The following DUOX2 variants were observed in gnomAD, a reference collection of about 807,000 sequenced individuals.
The protein encoded by DUOX2 is dual oxidase 2.
In DUOX2, 185 loss-of-function variants were observed where a neutral mutation model predicts 183.3. That is an observed-to-expected ratio of 1.01 (90% confidence interval 0.90 to 1.14). The LOEUF is 1.14. Among genes scored for constraint, DUOX2 ranks in the 50% most tolerant of loss-of-function variants. The pLI, the probability that DUOX2 is intolerant of heterozygous loss-of-function variation, is 0.00. For synonymous variants in DUOX2, 788 were observed against 812.4 expected (o/e 0.97, Z 0.51); for missense variants, 1,999 against 2,022.9 (o/e 0.99, Z 0.23).
chr15:45,102,297 C>A (rs1254015614), intron 20 of DUOX2, among the ~76,000 whole-genome samples: 2 of 152,198 alleles, frequency 1.3e-5, no homozygotes, highest in Non-Finnish European at 2.9e-5. Flanking sequence ...GGCCCTCTCT[C>A]GTGGCAGGCT....
chr15:45,112,061 G>T, intron 4 of DUOX2, 106 bp from the exon 5 acceptor site: 2 of 1,397,594 alleles, frequency 1.4e-6, no homozygotes, highest in Non-Finnish European at 2.0e-6. Context: ...AGAGGTCCCA[G>T]TGCCAGCTCC....
chr15:45,094,136 C>T lies in DUOX2; in HGVS notation c.*14G>A. 1 of 1,614,108 alleles carries T rather than the reference C, an allele frequency of 6.2e-7. No homozygotes were observed. Among genetic ancestry groups the T allele is most frequent in the Non-Finnish European group, 8.5e-7 (1 of 1,180,018 alleles). On this transcript the variant is annotated 3_prime_UTR_variant, in exon 34 of 34. Transcript: ENST00000389039. ...AAGGCAGGATACTGGAAGCAGCAGC[C>T]AGGGAGGACAGGCTCAGAAGTTCTC...
chr15:45,109,831 A>G (rs1356482309), intron 10 of DUOX2, 59 bp downstream of exon 10: 1 of 1,542,794 alleles, frequency 6.5e-7, no homozygotes, highest in Non-Finnish European at 9.0e-7. Flanking sequence ...TGCTTTTCCC[A>G]GCCTGTGTGA....
At position 45,106,816 on chromosome 15, in the gene DUOX2, C is replaced by T. The variant is rs770949034; in HGVS notation, c.1831+16G>A. ...GGGGCAGGGCCAGTCTGCAGAGAGG[C>T]TGCCTAAGAGCTCACCTAAGGGAAG... On this transcript the variant is annotated intron_variant, in intron 15 of 33. Coordinates refer to ENST00000389039, the MANE Select transcript of DUOX2 (RefSeq NM_001363711.2). The T allele has an allele frequency of 6.3e-7, 1 of 1,597,702 alleles. No individual in the cohort carries two copies. The highest frequency in any genetic ancestry group is 1.3e-5 in the African/African-American group (1 of 74,982).
chr15:45,104,223 G>A lies in DUOX2; in HGVS notation c.2477C>T (p.Ser826Phe), dbSNP rs1894154652. Residue 826 changes from serine to phenylalanine, a missense_variant, in exon 19 of 34, where the codon TCC (serine) becomes TTC (phenylalanine). Ser to Phe is a radical substitution (Grantham distance 155, BLOSUM62 -2). Around this residue, in one of 3 missense-constraint regions of DUOX2, gnomAD observed 1,628 missense variants for 1,608.6 expected, o/e 1.01. Coordinates refer to ENST00000389039, the MANE Select transcript of DUOX2 (RefSeq NM_001363711.2). ...ATCCTTGTCAGCCAGAGAGAACATG[G>A]ACTCCACAAACATGTCCTGGGGCTT... is the stretch of plus-strand genomic sequence containing the variant. ...GLKPQDMFVESMFSLADKDGN... is the reference protein window; with the variant it reads ...GLKPQDMFVEFMFSLADKDGN... 5 of 1,614,080 alleles carry A rather than the reference G, an allele frequency of 3.1e-6. No homozygotes were observed. The highest frequency in any genetic ancestry group is 3.4e-6 in the Non-Finnish European group (4 of 1,179,998).
chr15:45,094,843 C>A lies in DUOX2; in HGVS notation c.4395+93G>T, dbSNP rs1893859016. The A allele has an allele frequency of 3.8e-6, 6 of 1,596,742 alleles. No homozygotes were observed. The Admixed American group carries it at 1.0e-4, about 27-fold the overall frequency. ...AGCTCTGTGCCTCCTGCCAGCTCAG[C>A]CTGGCCGTCCACCCACCTGCCCTGG... On this transcript the variant is annotated intron_variant, in intron 32 of 33. Transcript: ENST00000389039.
rs1214313155 is a variant in DUOX2, at chr15:45,106,310, G to T, written c.1963C>A (p.Pro655Thr). ...ATGATGGGACTGCTCCTCTCCTTGGGGCCTGGCCACTCCATCGCTGGGGAA... is the reference window on the plus strand; with the variant it reads ...ATGATGGGACTGCTCCTCTCCTTGGTGCCTGGCCACTCCATCGCTGGGGAA... Reference protein sequence around the residue: ...DGVPAMEWPGPKERSSPIIIQ... With the variant: ...DGVPAMEWPGTKERSSPIIIQ... Residue 655 changes from proline to threonine, a missense_variant, in exon 17 of 34, where the codon CCC (proline) becomes ACC (threonine). This residue lies in a region of DUOX2 where 1,628 missense variants were observed against 1,608.6 expected (regional missense o/e 1.01). Coordinates refer to ENST00000389039, the MANE Select transcript of DUOX2 (RefSeq NM_001363711.2). 2 of 1,614,022 alleles carry T rather than the reference G, an allele frequency of 1.2e-6. No individual in the cohort carries two copies. The highest frequency in any genetic ancestry group is 1.7e-6 in the Non-Finnish European group (2 of 1,180,032).
At chr15:45,112,210 A>T (rs1276293845) in intron 4 of DUOX2, among the ~76,000 whole-genome samples, 2 of 152,162 alleles carry the variant, frequency 1.3e-5, no homozygotes, top group Non-Finnish European at 2.9e-5. Flanking sequence ...GGGGTACCCC[A>T]AGTCAGTCCT....
At chr15:45,097,084 C>A (rs1893922983) in intron 29 of DUOX2, among the ~76,000 whole-genome samples, 154 bp downstream of exon 29, 1 of 152,160 alleles carries the variant, frequency 6.6e-6, no homozygotes, top group Non-Finnish European at 1.5e-5. Context: ...ATCAGGAAAC[C>A]TTCAGGAACC....
At position 45,110,413 on chromosome 15, in the gene DUOX2, CA is replaced by C; in HGVS notation, c.1040+14del. 6.2e-7 allele frequency: 1 copy of C among 1,610,598 alleles called. No homozygotes were observed. The highest frequency in any genetic ancestry group is 1.3e-5 in the African/African-American group (1 of 74,978). ...TTCTTAGTGTGGTGCCCCTCTCTGC[CA>C]ACCCCTCCCTCACCTCATGTAGACA... On this transcript the variant is annotated intron_variant, in intron 9 of 33. Transcript: ENST00000389039.
chr15:45,107,412 G>T lies in DUOX2; in HGVS notation c.1626C>A (p.Asp542Glu). The T allele has an allele frequency of 6.2e-7, 1 of 1,614,222 alleles. No homozygotes were observed. The highest frequency in any genetic ancestry group is 8.5e-7 in the Non-Finnish European group (1 of 1,180,040). The change falls in exon 14 of 34, where the codon GAC becomes GAA. Residue 542 changes from aspartate (D) to glutamate (E), a missense_variant. Asp to Glu is a conservative substitution (Grantham distance 45). Transcript: ENST00000389039. Reference protein sequence around the residue: ...IEDIRNTTLRDVLVAVINIDP... With the variant: ...IEDIRNTTLREVLVAVINIDP... ...CAATGTTGATAACAGCGACCAGCAC[G>T]TCCCGCAGGGTGGTATTTCGGATGT...
At chr15:45,113,272 G>A in intron 2 of DUOX2, 70 bp downstream of exon 2, 2 of 1,524,268 alleles carry the variant, frequency 1.3e-6, no homozygotes, top group Non-Finnish European at 1.8e-6. Context: ...GCCGCTTGCC[G>A]CACCTCTCCC....
chr15:45,096,108 G>C, intron 29 of DUOX2, 48 bp from the exon 30 acceptor site: 1 of 1,521,230 alleles, frequency 6.6e-7, no homozygotes, highest in Non-Finnish European at 9.1e-7. Context: ...GCCTGCTCCT[G>C]GTACCTGAGG....
rs780488151 is a variant in DUOX2 at position 45,095,031 on chromosome 15, G to A, written c.4300C>T (p.Gln1434Ter). The A allele has an allele frequency of 1.9e-6, 3 of 1,614,148 alleles. No individual in the cohort carries two copies. The highest frequency in any genetic ancestry group is 2.5e-6 in the Non-Finnish European group (3 of 1,180,008). ...TGGTGGTCGTTCTCCTCCACCTCTT[G>A]GATGATGTCAGCCAGCCACTCAAAC... ...RQFEWLADII[Q>*]EVEENDHQDL... The change falls in exon 32 of 34, where the codon CAA becomes TAA. Residue 1434 changes from glutamine to a stop codon, truncating the protein, a stop_gained. Transcript: ENST00000389039. LOFTEE classifies it high-confidence loss of function.
chr15:45,112,828 C>G lies in DUOX2; in HGVS notation c.161-110G>C. The G allele has an allele frequency of 2.6e-6, 4 of 1,565,450 alleles. No homozygotes were observed. In the South Asian group the frequency reaches 4.4e-5, roughly 17 times the overall value. On this transcript the variant is annotated intron_variant, in intron 3 of 33. Transcript: ENST00000389039. ...CATCCCACTTCACTGACAGAACCTT[C>G]CCTCAAGGGTCTCTTGGCCCCGGGA...
At position 45,097,661 on chromosome 15, in the gene DUOX2, G is replaced by A. The variant is rs144886975; in HGVS notation, c.3646C>T (p.Arg1216Trp). ...AGGTGGTGGGTCAGCCAGAAGCCCC[G>A]GAAGCTGCGGCGGCGGAAGTGGTGG... ...ASHHFRRRSF[R>W]GFWLTHHLYI... Residue 1216 changes from arginine (R) to tryptophan (W), a missense_variant, in exon 28 of 34, where the codon CGG becomes TGG. This residue lies in a region of DUOX2 where 1,628 missense variants were observed against 1,608.6 expected (regional missense o/e 1.01). Transcript: ENST00000389039. 121 of 1,614,104 alleles carry A rather than the reference G, an allele frequency of 7.5e-5. No individual in the cohort carries two copies. Among genetic ancestry groups the A allele is most frequent in the African/African-American group, 4.1e-4 (31 of 74,930 alleles).
At chr15:45,106,688 A>T in intron 15 of DUOX2, 47 bp from the exon 16 acceptor site, 2 of 1,608,364 alleles carry the variant, frequency 1.2e-6, no homozygotes, top group Non-Finnish European at 1.7e-6. Context: ...CCTCACCTAG[A>T]GCTCCACTGT....
chr15:45,102,758 G>A (rs1188845016), intron 20 of DUOX2, among the ~76,000 whole-genome samples: 5 of 152,190 alleles, frequency 3.3e-5, no homozygotes, highest in African/African-American at 4.8e-5. Context: ...GAGGCGGGCT[G>A]ATCCCCTGAG....
At chr15:45,101,471 C>G in intron 21 of DUOX2, 197 bp from the exon 22 acceptor site, 1 of 653,054 alleles carries the variant, frequency 1.5e-6, no homozygotes, top group South Asian at 1.8e-5. Flanking sequence ...AAGGGGACAT[C>G]CTCTTAGGTG....
Sources: gnomAD v4.1 joint callset for allele counts (sites outside exome capture counted in the v4.1 genomes callset) on GRCh38, gnomAD v4.1.1 for gene constraint, gnomAD v4.1.1 regional missense constraint, MANE v1.5 for transcripts, NCBI Gene and HGNC (gene_info 2026-07-23, HGNC 2026-07-21) for gene names.